Variants in SLC18A1 observed in about 807,000 individuals in gnomAD.
SLC18A1 encodes chromaffin granule amine transporter.
SLC18A1 carries 69 observed loss-of-function variants against 53.7 expected under a neutral mutation model. That is an observed-to-expected ratio of 1.28 (90% confidence interval 1.06 to 1.57). The LOEUF is 1.57. Ranked by LOEUF, SLC18A1 falls within the 40% of genes most tolerant of loss-of-function variation. The probability of loss-of-function intolerance (pLI) is 0.00; values close to 1 mark genes in which losing one functional copy is unlikely to be tolerated. For missense variants in SLC18A1, 932 were observed against 668.1 expected, an observed-to-expected ratio of 1.40 and a Z score of -4.35; for synonymous variants, 320 against 248.1, an observed-to-expected ratio of 1.29 and a Z score of -2.72.
At chr8:20,151,600 T>C (rs2071555879) in intron 10 of SLC18A1, among the ~76,000 whole-genome samples, 1 of 152,184 alleles carries the variant, frequency 6.6e-6, no homozygotes, top group African/African-American at 2.4e-5. Flanking sequence ...GTGGAGCAAA[T>C]TAGGTAATGC....
chr8:20,154,632 A>G (rs1175839922), intron 10 of SLC18A1, among the ~76,000 whole-genome samples: 1 of 152,212 alleles, frequency 6.6e-6, no homozygotes, highest in South Asian at 2.1e-4. Flanking sequence ...AAGATGAAAG[A>G]CATGTTCAGA....
Position 20,167,620 on chromosome 8 carries a change from T to C in SLC18A1, c.859-2513A>G, listed in dbSNP as rs187062971. Among the ~76,000 whole-genome samples the C allele has an allele frequency of 6.6e-3, 1,010 of 151,966 alleles. 11 individuals carry two copies. Among genetic ancestry groups the C allele is most frequent in the African/African-American group, 0.024 (978 of 41,436 alleles). On this transcript the variant is annotated intron_variant, in intron 8 of 15. Transcript: ENST00000276373. ...GAGTCCCCATAGTTTTTTGTTTTTT[T>C]TGTTTTTTTTGTTTTTTTGAGACAG...
chr8:20,182,898 A>G (rs923532010), intron 1 of SLC18A1, among the ~76,000 whole-genome samples, 165 bp downstream of exon 1: 9 of 152,256 alleles, frequency 5.9e-5, no homozygotes, highest in Non-Finnish European at 1.0e-4. Flanking sequence ...AGTAAGTACT[A>G]CAAAGAGAGA....
Position 20,150,808 on chromosome 8 carries a change from G to A in SLC18A1, c.1016-64C>T, listed in dbSNP as rs535462083. ...AATTTACTCTAAAATGCCTTGTCTC[G>A]TACAAGACACTGAAGTCCACCCCTG... On this transcript the variant is annotated intron_variant, in intron 10 of 15. Transcript: ENST00000276373. The A allele has an allele frequency of 2.3e-4, 327 of 1,399,798 alleles. 1 individual carries two copies. The African/African-American group carries it at 2.4e-3, about 10-fold the overall frequency. The allele number at this position is 1,399,798 out of a possible 1,614,324, so 86.7% of individuals were successfully genotyped here.
At chr8:20,162,790 CT>C (rs749415938) in intron 10 of SLC18A1, among the ~76,000 whole-genome samples, 18 of 152,318 alleles carry the variant, frequency 1.2e-4, no homozygotes, top group Non-Finnish European at 1.3e-4. Context: ...AAGATTCAGA[CT>C]TTCTCTATAG....
Position 20,178,415 on chromosome 8 carries a change from AGAG to A in SLC18A1, c.547+17_547+19del. 1 of 1,600,290 alleles carries A rather than the reference AGAG, an allele frequency of 6.2e-7. No individual in the cohort carries two copies. Among genetic ancestry groups the A allele is most frequent in the Non-Finnish European group, 8.5e-7 (1 of 1,171,282 alleles). On this transcript the variant is annotated intron_variant, in intron 4 of 15. Transcript: ENST00000276373. ...AAAGGTAATCAGTGAAGGGAAGAAA[AGAG>A]GAAGCAAATTACTTACTAACTGTGG...
At chr8:20,146,158 G>T (rs1241125948) in intron 15 of SLC18A1, among the ~76,000 whole-genome samples, 1 of 151,962 alleles carries the variant, frequency 6.6e-6, no homozygotes, top group Admixed American at 6.6e-5. Flanking sequence ...CTCGTGATGC[G>T]CCCGCCTCAG....
At chr8:20,159,634 C>CAAAAAAAAAAAAAAAAAA (rs200123466) in intron 10 of SLC18A1, among the ~76,000 whole-genome samples, 79 of 81,526 alleles carry the variant, frequency 9.7e-4, no homozygotes, top group East Asian at 1.6e-3. Flanking sequence ...TTGCAGCTGC[C>CAAAAAAAAAAAAAAAAAA]AAAAAAAAAA....
At chr8:20,164,478 A>ATTATT (rs1162757711) in intron 10 of SLC18A1, among the ~76,000 whole-genome samples, 2 of 152,206 alleles carry the variant, frequency 1.3e-5, no homozygotes, top group African/African-American at 4.8e-5. Flanking sequence ...TTATTCATCC[A>ATTATT]ATTTCTCTTG....
intron 10 of SLC18A1, among the ~76,000 whole-genome samples, chr8:20,155,316 T>C (rs141442871): frequency 2.2e-4 from 33 of 152,296 alleles, no homozygotes; most frequent in Middle Eastern, 3.4e-3. Context: ...CAGAGGAAAA[T>C]ACCGAGCACC....
intron 8 of SLC18A1, 137 bp downstream of exon 8, chr8:20,170,966 G>A: frequency 1.2e-6 from 1 of 801,990 alleles, no homozygotes; most frequent in Non-Finnish European, 2.0e-6. Flanking sequence ...ACCCTATCCT[G>A]GAATCCAAAC....
At chr8:20,181,680 A>G (rs1206574778) in intron 1 of SLC18A1, 1 of 152,160 alleles carries the variant, frequency 6.6e-6, no homozygotes, top group Non-Finnish European at 1.5e-5. Context: ...TCTAGGTGCT[A>G]CCCCAAAATA....
chr8:20,174,489 T>G (rs2072208476), intron 4 of SLC18A1, 45 bp from the exon 5 acceptor site: 1 of 1,376,016 alleles, frequency 7.3e-7, no homozygotes, highest in African/African-American at 1.4e-5. Context: ...GCAAATTGCC[T>G]TTGCTTCCCC....
rs777015685 is a variant in SLC18A1, at chr8:20,178,506, T to C, written c.489-13A>G. On this transcript the variant is annotated splice_polypyrimidine_tract_variant and intron_variant, in intron 3 of 15. Coordinates refer to ENST00000276373, the MANE Select transcript of SLC18A1 (RefSeq NM_003053.4). ...ATGATATCCAATCCTAAAAGGGAAT[T>C]GAAAAAAAAAAAGATACAATTCCAA... The C allele has an allele frequency of 1.3e-6, 2 of 1,499,528 alleles. No individual in the cohort carries two copies. The allele number at this position is 1,499,528 out of a possible 1,614,324, so 92.9% of individuals were successfully genotyped here. A position where few individuals can be genotyped will look rare whatever the true frequency, so the allele number is the denominator to read the frequency against.
At chr8:20,164,472 T>G (rs1167019883) in intron 10 of SLC18A1, among the ~76,000 whole-genome samples, 1 of 152,194 alleles carries the variant, frequency 6.6e-6, no homozygotes, top group Non-Finnish European at 1.5e-5. Context: ...TGTCATTTAT[T>G]CATCCAATTT....
chr8:20,164,854 G>A lies in SLC18A1; in HGVS notation c.1015+15C>T. 5 of 1,595,638 alleles carry A rather than the reference G, an allele frequency of 3.1e-6. No individual in the cohort carries two copies. Among genetic ancestry groups the A allele is most frequent in the Non-Finnish European group, 4.3e-6 (5 of 1,166,198 alleles). On this transcript the variant is annotated intron_variant, in intron 10 of 15. Transcript: ENST00000276373. ...CTCCTGCCAGGCCCTGAGCGGGGGT[G>A]CTGAGGTCACTTACCCAGCTGCCAC...
intron 10 of SLC18A1, among the ~76,000 whole-genome samples, chr8:20,161,482 G>A (rs2071829058): frequency 6.6e-6 from 1 of 152,204 alleles, no homozygotes. Flanking sequence ...TATAGTACAT[G>A]GAAGTACGTG....
intron 8 of SLC18A1, 75 bp from the exon 9 acceptor site, chr8:20,165,182 A>G (rs2071926619): frequency 1.5e-6 from 2 of 1,348,972 alleles, no homozygotes; most frequent in Non-Finnish European, 2.1e-6. Context: ...AATCTGAGAA[A>G]GTACAATTAT....
At chr8:20,168,394 G>C (rs1444399050) in intron 8 of SLC18A1, among the ~76,000 whole-genome samples, 1 of 151,844 alleles carries the variant, frequency 6.6e-6, no homozygotes, top group African/African-American at 2.4e-5. Flanking sequence ...AGTAAATAGA[G>C]TGATGAACTA....
Sources: allele counts gnomAD v4.1 joint callset (sites outside exome capture counted in the v4.1 genomes callset), GRCh38; gene constraint gnomAD v4.1.1; transcripts MANE v1.5; gene names NCBI Gene and HGNC (gene_info 2026-07-23, HGNC 2026-07-21).